The following PTPRM variants were observed in gnomAD, a reference collection of about 807,000 sequenced individuals.
The protein encoded by PTPRM is receptor-type tyrosine-protein phosphatase mu.
A neutral mutation model predicts 186.7 loss-of-function variants in PTPRM; 47 were observed. The ratio of observed to expected loss-of-function variants is 0.25; its 90% CI spans 0.20 to 0.32. PTPRM has a LOEUF of 0.32. PTPRM is among the 10% of genes least tolerant of loss of function. The pLI is 1.00. For missense variants in PTPRM, 1,494 were observed against 1,865.0 expected (o/e 0.80, Z 3.66); for synonymous variants, 668 against 674.9 (o/e 0.99, Z 0.16).
chr18:8,093,642 C>T (rs1031268924), intron 11 of PTPRM, among the ~76,000 whole-genome samples: 2 of 151,952 alleles, frequency 1.3e-5, no homozygotes, highest in African/African-American at 4.8e-5. Context: ...TAGCAAACTC[C>T]CCTGACCCCA....
At chr18:8,184,040 T>G (rs1396934409) in intron 14 of PTPRM, among the ~76,000 whole-genome samples, 4 of 152,174 alleles carry the variant, frequency 2.6e-5, no homozygotes, top group African/African-American at 9.7e-5. Context: ...ACTTTGAACT[T>G]GAATTTCCCT....
intron 3 of PTPRM, among the ~76,000 whole-genome samples, chr18:7,897,541 G>T (rs1037462802): frequency 6.6e-6 from 1 of 152,160 alleles, no homozygotes; most frequent in African/African-American, 2.4e-5. Context: ...GACACAGTAG[G>T]TTGTCAGTTT....
chr18:8,015,117 G>T (rs577637938), intron 7 of PTPRM, among the ~76,000 whole-genome samples: 44 of 152,116 alleles, frequency 2.9e-4, no homozygotes, highest in African/African-American at 1.0e-3. Flanking sequence ...GCAAGAAAGG[G>T]CATCTCATGT....
intron 7 of PTPRM, among the ~76,000 whole-genome samples, chr18:8,035,269 T>C (rs1371150979): frequency 6.6e-6 from 1 of 152,220 alleles, no homozygotes; most frequent in Non-Finnish European, 1.5e-5. Flanking sequence ...TTCAGCTAAA[T>C]TGAATAAAAA....
intron 4 of PTPRM, among the ~76,000 whole-genome samples, chr18:7,918,873 A>G (rs1268067243): frequency 6.6e-6 from 1 of 152,182 alleles, no homozygotes; most frequent in Non-Finnish European, 1.5e-5. Flanking sequence ...GCCCAGACCA[A>G]TGTTCTGGAA....
At position 7,720,736 on chromosome 18, in the gene PTPRM, C is replaced by A. The variant is rs182902942; in HGVS notation, c.74-53413C>A. 2.6e-5 allele frequency among the ~76,000 whole-genome samples: 4 copies of A among 152,238 alleles called. No homozygotes were observed. In the East Asian group the frequency reaches 5.8e-4, roughly 22 times the overall value. ...ATAAGGAGAATCATACAATATTTAT[C>A]TTTTTGTGACTGGCTTATTTCACTT... On this transcript the variant is annotated intron_variant, in intron 1 of 32. Coordinates refer to ENST00000580170, the MANE Select transcript of PTPRM (RefSeq NM_001105244.2).
At chr18:8,145,567 G>T (rs2092863852) in intron 14 of PTPRM, among the ~76,000 whole-genome samples, 1 of 152,180 alleles carries the variant, frequency 6.6e-6, no homozygotes, top group Non-Finnish European at 1.5e-5. Context: ...ATGAGAACAT[G>T]CAGTGTTTGC....
intron 2 of PTPRM, among the ~76,000 whole-genome samples, chr18:7,859,253 G>A (rs1309353278): frequency 1.3e-5 from 2 of 152,138 alleles, no homozygotes; most frequent in East Asian, 1.9e-4. Context: ...ATGTTGTGCT[G>A]GACCCAGTTT....
At chr18:8,056,849 AGCAG>A (rs1452654799) in intron 7 of PTPRM, among the ~76,000 whole-genome samples, 1 of 152,038 alleles carries the variant, frequency 6.6e-6, no homozygotes, top group Non-Finnish European at 1.5e-5. Context: ...TCTACAAGTC[AGCAG>A]TCTTACTTTT....
At chr18:7,771,716 C>A (rs1040562545) in intron 1 of PTPRM, among the ~76,000 whole-genome samples, 3 of 152,186 alleles carry the variant, frequency 2.0e-5, no homozygotes, top group African/African-American at 4.8e-5. Flanking sequence ...CAGTCTGAGG[C>A]TCCTTGATGC....
chr18:8,377,355 CAG>C (rs1267466741), intron 26 of PTPRM: 3 of 152,120 alleles, frequency 2.0e-5, no homozygotes, highest in Non-Finnish European at 2.9e-5. Flanking sequence ...ATAAAAATAA[CAG>C]AAACTTTAAA....
chr18:8,265,731 G>A (rs1483098691), intron 19 of PTPRM, among the ~76,000 whole-genome samples: 1 of 151,992 alleles, frequency 6.6e-6, no homozygotes, highest in Non-Finnish European at 1.5e-5. Flanking sequence ...AGGCAAATGT[G>A]GGTCATGGTT....
intron 1 of PTPRM, among the ~76,000 whole-genome samples, chr18:7,722,533 T>C (rs1159910613): frequency 2.6e-5 from 4 of 151,924 alleles, no homozygotes; most frequent in African/African-American, 9.7e-5. Flanking sequence ...TAAAATAAAA[T>C]GTGGGTAAAT....
intron 7 of PTPRM, among the ~76,000 whole-genome samples, chr18:8,057,567 A>G (rs1229218798): frequency 7.4e-6 from 1 of 134,630 alleles, no homozygotes; most frequent in Non-Finnish European, 1.6e-5. Flanking sequence ...ATCGTCATCT[A>G]GCATTAGGTA....
Position 8,379,111 on chromosome 18 carries a change from A to C in PTPRM, c.3613-56A>C, listed in dbSNP as rs575973857. ...TTGCATCTTTCGAAAACTGCACGTG[A>C]GAGGAGTCCGCTGCCAAGGCTTCTT... On this transcript the variant is annotated intron_variant, in intron 27 of 32. Coordinates refer to ENST00000580170, the MANE Select transcript of PTPRM (RefSeq NM_001105244.2). 1.7e-4 allele frequency: 256 copies of C among 1,463,038 alleles called. 3 individuals carry two copies. In the African/African-American group the frequency reaches 3.2e-3, roughly 18 times the overall value. 90.6% of individuals were successfully genotyped at this position (1,463,038 alleles called of 1,614,324 possible). A position where few individuals can be genotyped will look rare whatever the true frequency, so the allele number is the denominator to read the frequency against.
At position 8,140,077 on chromosome 18, in the gene PTPRM, G is replaced by C. The variant is rs547447505; in HGVS notation, c.2168-3570G>C. On this transcript the variant is annotated intron_variant, in intron 13 of 32. Coordinates refer to ENST00000580170, the MANE Select transcript of PTPRM (RefSeq NM_001105244.2). ...CACCACCGTGCAAAGTTCTGCAGCTGAGCTGTCCCTGCGGCTCTTCCTAAC... is the reference window on the plus strand; with the variant it reads ...CACCACCGTGCAAAGTTCTGCAGCTCAGCTGTCCCTGCGGCTCTTCCTAAC... Among the ~76,000 whole-genome samples the C allele has an allele frequency of 4.6e-5, 7 of 152,288 alleles. No individual in the cohort carries two copies. The South Asian group carries it at 1.5e-3, about 32-fold the overall frequency.
At chr18:7,693,551 C>G (rs1225034642) in intron 1 of PTPRM, among the ~76,000 whole-genome samples, 2 of 152,208 alleles carry the variant, frequency 1.3e-5, no homozygotes, top group Admixed American at 6.5e-5. Flanking sequence ...AGGTAATTCA[C>G]TCCTTCTGCC....
chr18:8,081,682 C>G (rs1451293100), intron 9 of PTPRM, among the ~76,000 whole-genome samples: 2 of 152,066 alleles, frequency 1.3e-5, no homozygotes, highest in African/African-American at 4.8e-5. Context: ...GTTAGAGTGC[C>G]CCTGCTGCCG....
chr18:8,392,494 G>A (rs1405071269), intron 31 of PTPRM, among the ~76,000 whole-genome samples: 1 of 152,032 alleles, frequency 6.6e-6, no homozygotes, highest in African/African-American at 2.4e-5. Context: ...GGGCATGGTG[G>A]CAGGTGCCTG....
Sources: allele counts gnomAD v4.1 joint callset (sites outside exome capture counted in the v4.1 genomes callset), GRCh38; gene constraint gnomAD v4.1.1; transcripts MANE v1.5; gene names NCBI Gene and HGNC (gene_info 2026-07-23, HGNC 2026-07-21).